The following KIN variants were observed in gnomAD, a reference collection of about 807,000 sequenced individuals.
The protein encoded by KIN is Kin17 DNA and RNA binding protein, also known as DNA/RNA-binding protein KIN17.
Under a neutral mutation model 63.0 loss-of-function variants are expected in KIN, and 47 were observed. The ratio of observed to expected loss-of-function variants is 0.75; its 90% CI spans 0.59 to 0.95. KIN has a LOEUF of 0.95. Among genes scored for constraint, KIN ranks in the 40% least tolerant of loss-of-function variants. KIN has a pLI of 0.00. For missense variants in KIN, 408 were observed against 460.9 expected (o/e 0.89, Z 1.05); for synonymous variants, 160 against 157.7 (o/e 1.01, Z -0.11).
chr10:7,757,467 C>A lies in KIN; in HGVS notation c.1120-1325G>T, dbSNP rs1249490170. The stretch of plus-strand genomic sequence containing the variant: ...GAGCTGAGATCGCGCCATTGCACTC[C>A]AGCCTGGGCGACAGAGTGAGACTCT... On this transcript the variant is annotated intron_variant, in intron 12 of 12. Transcript: ENST00000379562. 3.3e-5 allele frequency among the ~76,000 whole-genome samples: 5 copies of A among 151,844 alleles called. No individual in the cohort carries two copies. The East Asian group carries it at 9.6e-4, about 29-fold the overall frequency.
intron 5 of KIN, among the ~76,000 whole-genome samples, chr10:7,777,838 G>A (rs931303483): frequency 6.6e-6 from 1 of 150,404 alleles, no homozygotes; most frequent in Non-Finnish European, 1.5e-5. Context: ...GGCGGGGGTT[G>A]CAGTCAGCTG....
Position 7,762,453 on chromosome 10 carries a change from T to A in KIN, c.1018+4A>T. 1 of 1,575,006 alleles carries A rather than the reference T, an allele frequency of 6.3e-7. No homozygotes were observed. The highest frequency in any genetic ancestry group is 8.7e-7 in the Non-Finnish European group (1 of 1,148,748). On this transcript the variant is annotated splice_donor_region_variant and intron_variant, in intron 11 of 12. Coordinates refer to ENST00000379562, the MANE Select transcript of KIN (RefSeq NM_012311.4). ...TGTATTAAATGGTCTGCAAACAGAT[T>A]TACCTGGTGCTGGAATTACTGTCTC...
At chr10:7,768,562 G>C (rs905307509) in intron 8 of KIN, among the ~76,000 whole-genome samples, 2 of 151,962 alleles carry the variant, frequency 1.3e-5, no homozygotes, top group East Asian at 3.9e-4. Flanking sequence ...CATGTCACAG[G>C]TTTCTCGTGC....
chr10:7,765,439 T>TA (rs34162810), intron 9 of KIN, among the ~76,000 whole-genome samples: 50,726 of 151,532 alleles, frequency 0.33, 9,472 homozygotes, highest in Non-Finnish European at 0.42. Context: ...TATTTAAAAA[T>TA]AAAAAAAAGA....
rs371777633 is a variant in KIN at position 7,769,279 on chromosome 10, G to T, written c.735C>A (p.Ser245=). The T allele has an allele frequency of 3.6e-5, 58 of 1,613,356 alleles. No individual in the cohort carries two copies. Among genetic ancestry groups the T allele is most frequent in the Non-Finnish European group, 4.8e-5 (57 of 1,179,672 alleles). ...TTTCTTTAGACTGAGTTGAGCTCTG[G>T]GAAGATTCTTTTCGTTTCACTGATG... ...SSASVKRKES[S]QSSTQSKEKK... is the part of the protein sequence containing the mutation. The change falls in exon 8 of 13, where the codon TCC becomes TCA. Residue 245 remains serine, a synonymous_variant. Coordinates refer to ENST00000379562, the MANE Select transcript of KIN (RefSeq NM_012311.4).
chr10:7,776,644 T>C lies in KIN; in HGVS notation c.559-845A>G, dbSNP rs550267758. On this transcript the variant is annotated intron_variant, in intron 5 of 12. Transcript: ENST00000379562. ...TACTTGGGAGGCTGAGACAGGAGAA[T>C]TGCTTGAACCTGGGAGGCGGAGGTT... is the stretch of plus-strand genomic sequence containing the variant. 1.1e-3 allele frequency among the ~76,000 whole-genome samples: 170 copies of C among 150,970 alleles called. 1 individual carries two copies. The highest frequency in any genetic ancestry group is 4.0e-3 in the African/African-American group (163 of 41,026).
chr10:7,787,979 G>A lies in KIN; in HGVS notation c.-46C>T. 1 of 1,476,890 alleles carries A rather than the reference G, an allele frequency of 6.8e-7. No individual in the cohort carries two copies. Among genetic ancestry groups the A allele is most frequent in the Non-Finnish European group, 9.5e-7 (1 of 1,055,236 alleles). 91.5% of individuals were successfully genotyped at this position (1,476,890 alleles called of 1,614,324 possible). On this transcript the variant is annotated 5_prime_UTR_variant, in exon 1 of 13. Transcript: ENST00000379562. Reference sequence around the variant, plus strand: ...CTTTCTGGACCCCAGTACTCAGCCAGCCGGAAACGGAACCGGGCTGGCGGC... The same window carrying A: ...CTTTCTGGACCCCAGTACTCAGCCAACCGGAAACGGAACCGGGCTGGCGGC...
chr10:7,782,102 A>T (rs996473717), intron 2 of KIN, among the ~76,000 whole-genome samples: 29 of 152,268 alleles, frequency 1.9e-4, no homozygotes, highest in Admixed American at 8.5e-4. Flanking sequence ...CAATTTTTTT[A>T]AAAAACTTGT....
intron 5 of KIN, among the ~76,000 whole-genome samples, chr10:7,778,028 G>A (rs539852349): frequency 2.0e-5 from 3 of 152,060 alleles, no homozygotes; most frequent in South Asian, 2.1e-4. Context: ...TGAAATAAAT[G>A]CCCCAACCTA....
chr10:7,778,625 G>C (rs1235234745), intron 5 of KIN, among the ~76,000 whole-genome samples: 2 of 152,148 alleles, frequency 1.3e-5, no homozygotes, highest in African/African-American at 4.8e-5. Context: ...TGTAGTTCCA[G>C]GTACTCAGGA....
chr10:7,759,942 G>T lies in KIN; in HGVS notation c.1067C>A (p.Thr356Asn). The change falls in exon 12 of 13, where the codon ACC (threonine) becomes AAC (asparagine). Residue 356 changes from threonine (T) to asparagine (N), a missense_variant. Around this residue, in one of 2 missense-constraint regions of KIN, gnomAD observed 298 missense variants for 296.0 expected, o/e 1.01. Coordinates refer to ENST00000379562, the MANE Select transcript of KIN (RefSeq NM_012311.4). ...LNGGYRGNEG[T>N]LESINEKTFS... ...AGTCTTCTCATTGATGGATTCTAGG[G>T]TACCTTCATTTCCTCTGTAGCCTCC... 6.4e-7 allele frequency: 1 copy of T among 1,571,616 alleles called. No homozygotes were observed. The highest frequency in any genetic ancestry group is 8.6e-7 in the Non-Finnish European group (1 of 1,156,882).
intron 7 of KIN, among the ~76,000 whole-genome samples, chr10:7,770,216 C>G (rs754180278): frequency 2.0e-5 from 3 of 152,234 alleles, no homozygotes; most frequent in Non-Finnish European, 4.4e-5. Flanking sequence ...CAGGCGTAAG[C>G]CACCGTGCCC....
At chr10:7,773,151 G>A (rs939528557) in intron 7 of KIN, among the ~76,000 whole-genome samples, 1 of 152,176 alleles carries the variant, frequency 6.6e-6, no homozygotes, top group Non-Finnish European at 1.5e-5. Flanking sequence ...GAAAAGGCAA[G>A]GGACAGATTC....
chr10:7,764,035 A>T (rs891791568), intron 9 of KIN, among the ~76,000 whole-genome samples: 3 of 152,202 alleles, frequency 2.0e-5, no homozygotes, highest in Admixed American at 6.5e-5. Flanking sequence ...CATATATATA[A>T]AAAATGTCTG....
rs1175095080 is a variant in KIN at position 7,755,391 on chromosome 10, A to C, written c.*689T>G. On this transcript the variant is annotated 3_prime_UTR_variant, in exon 13 of 13. Transcript: ENST00000379562. Reference sequence around the variant, plus strand: ...TGATGCTAAGTGTAAGAAGCCAGTCATAAAAGATCACATATTATATGATTC... The same window carrying C: ...TGATGCTAAGTGTAAGAAGCCAGTCCTAAAAGATCACATATTATATGATTC... 1 of 152,256 alleles carries C rather than the reference A, an allele frequency of 6.6e-6. No homozygotes were observed. Among genetic ancestry groups the C allele is most frequent in the Non-Finnish European group, 1.5e-5 (1 of 68,052 alleles). 9.4% of individuals were successfully genotyped at this position (152,256 alleles called of 1,614,324 possible).
chr10:7,778,469 G>T (rs569415151), intron 5 of KIN, among the ~76,000 whole-genome samples: 1 of 152,172 alleles, frequency 6.6e-6, no homozygotes, highest in African/African-American at 2.4e-5. Flanking sequence ...GGCTGGGCAC[G>T]GTGGCTCACG....
intron 8 of KIN, 99 bp from the exon 9 acceptor site, chr10:7,766,202 T>TAGAGGA: frequency 1.4e-6 from 1 of 701,400 alleles, no homozygotes; most frequent in Non-Finnish European, 2.4e-6. Flanking sequence ...AACTGTGAAG[T>TAGAGGA]CCTCTACTTC....
At chr10:7,783,641 T>C (rs1364975539) in intron 1 of KIN, among the ~76,000 whole-genome samples, 1 of 152,208 alleles carries the variant, frequency 6.6e-6, no homozygotes, top group Admixed American at 6.5e-5. Context: ...GCATATTATA[T>C]TAACCTTGTT....
chr10:7,773,778 A>G (rs372633508), intron 7 of KIN, among the ~76,000 whole-genome samples: 1 of 152,202 alleles, frequency 6.6e-6, no homozygotes, highest in Admixed American at 6.5e-5. Flanking sequence ...AGAAAATATC[A>G]TCTGGCTTAA....
Sources: gnomAD v4.1 joint callset for allele counts (sites outside exome capture counted in the v4.1 genomes callset) on GRCh38, gnomAD v4.1.1 for gene constraint, gnomAD v4.1.1 regional missense constraint, MANE v1.5 for transcripts, NCBI Gene and HGNC (gene_info 2026-07-23, HGNC 2026-07-21) for gene names.